NAALADL2: variants seen among roughly 807,000 people sequenced by gnomAD.
The protein encoded by NAALADL2 is N-acetylated alpha-linked acidic dipeptidase like 2.
Under a neutral mutation model 87.2 loss-of-function variants are expected in NAALADL2, and 76 were observed. That is an observed-to-expected ratio of 0.87 (90% CI 0.72 to 1.05). The LOEUF is 1.05. Among genes scored for constraint, NAALADL2 ranks in the 50% least tolerant of loss-of-function variants. NAALADL2 has a pLI of 0.00. For missense variants in NAALADL2, 1,089 were observed against 945.8 expected (o/e 1.15, Z -1.99); for synonymous variants, 354 against 331.0 (o/e 1.07, Z -0.75).
chr3:175,421,325 C>G (rs1032668801), intron 5 of NAALADL2, among the ~76,000 whole-genome samples: 1 of 152,026 alleles, frequency 6.6e-6, no homozygotes. Context: ...TACCTAGGAA[C>G]TTAATCAAAA....
At chr3:175,661,053 G>T (rs1732176821) in intron 11 of NAALADL2, among the ~76,000 whole-genome samples, 2 of 152,046 alleles carry the variant, frequency 1.3e-5, no homozygotes, top group South Asian at 4.1e-4. Flanking sequence ...TCTATTTTTA[G>T]TTTTTTGAAG....
At chr3:174,531,870 A>G (rs998922901) in intron 1 of NAALADL2, among the ~76,000 whole-genome samples, 14 of 152,168 alleles carry the variant, frequency 9.2e-5, no homozygotes, top group African/African-American at 3.4e-4. Context: ...GACATCTCAT[A>G]TTTCTGTGAA....
chr3:174,713,680 A>T (rs373323724), intron 2 of NAALADL2, among the ~76,000 whole-genome samples: 15 of 151,244 alleles, frequency 9.9e-5, no homozygotes, highest in African/African-American at 3.2e-4. Context: ...GTTTGAGTTC[A>T]TTGTAGATTC....
chr3:174,855,053 G>T (rs1353773089), upstream of NAALADL2, among the ~76,000 whole-genome samples: 1 of 151,878 alleles, frequency 6.6e-6, no homozygotes, highest in East Asian at 1.9e-4. Context: ...TGGCCATGCT[G>T]GTCTCGAACT....
At chr3:174,814,939 A>G in intron 3 of NAALADL2, among the ~76,000 whole-genome samples, 1 of 152,196 alleles carries the variant, frequency 6.6e-6, no homozygotes, top group East Asian at 1.9e-4. Flanking sequence ...TCGCATTTCA[A>G]TACTTACCCG....
intron 2 of NAALADL2, among the ~76,000 whole-genome samples, chr3:174,678,511 T>G (rs1199365060): frequency 2.0e-5 from 3 of 152,190 alleles, no homozygotes; most frequent in Non-Finnish European, 4.4e-5. Context: ...TATGATTGTT[T>G]CATGTTATTA....
chr3:175,719,841 G>T (rs1195638471), intron 11 of NAALADL2, among the ~76,000 whole-genome samples: 1 of 152,198 alleles, frequency 6.6e-6, no homozygotes, highest in Non-Finnish European at 1.5e-5. Flanking sequence ...GCACTGGCAG[G>T]TTCTGTGTCT....
At chr3:175,746,894 T>C (rs1248718098) in intron 12 of NAALADL2, among the ~76,000 whole-genome samples, 6 of 152,182 alleles carry the variant, frequency 3.9e-5, no homozygotes, top group Non-Finnish European at 8.8e-5. Context: ...AATGCCAAAA[T>C]CCATGAATGT....
intron 1 of NAALADL2, among the ~76,000 whole-genome samples, chr3:175,053,409 T>C (rs1755673715): frequency 1.3e-5 from 2 of 152,150 alleles, no homozygotes; most frequent in African/African-American, 4.8e-5. Context: ...CCCCAGGTGG[T>C]TGGCTGTGTT....
At chr3:175,324,038 A>AC in intron 4 of NAALADL2, 137 bp from the exon 5 acceptor site, 2 of 612,120 alleles carry the variant, frequency 3.3e-6, no homozygotes, top group Admixed American at 3.2e-5. Flanking sequence ...CAAAAAAAAA[A>AC]AAAAAGAAAA....
chr3:174,967,914 A>T, intron 1 of NAALADL2, among the ~76,000 whole-genome samples: 1 of 150,158 alleles, frequency 6.7e-6, no homozygotes, highest in East Asian at 1.9e-4. Flanking sequence ...ATACTGACAT[A>T]AGAAACAATT....
intron 2 of NAALADL2, among the ~76,000 whole-genome samples, chr3:174,609,390 A>G (rs74740209): frequency 0.53 from 79,560 of 150,802 alleles, 21,690 homozygotes; most frequent in Middle Eastern, 0.6. Flanking sequence ...GTTTGCAGAC[A>G]ACATGATTGT....
intron 2 of NAALADL2, among the ~76,000 whole-genome samples, chr3:175,152,936 C>G (rs1205673796): frequency 6.6e-6 from 1 of 151,752 alleles, no homozygotes; most frequent in African/African-American, 2.4e-5. Flanking sequence ...TCTAATGTAT[C>G]TAAATATGTT....
chr3:175,514,421 AT>A (rs1731572043), intron 9 of NAALADL2, among the ~76,000 whole-genome samples: 1 of 152,160 alleles, frequency 6.6e-6, no homozygotes, highest in Admixed American at 6.5e-5. Flanking sequence ...CACATTTTTC[AT>A]TGTTTTTATC....
At position 175,403,322 on chromosome 3, in the gene NAALADL2, T is replaced by C. The variant is rs562553525; in HGVS notation, c.1091-43907T>C. ...GCAGTAGAGGTATACAGAAGTGAATTGTCCCTTGGAAGTAGATTAACCATT... is the reference window on the plus strand; with the variant it reads ...GCAGTAGAGGTATACAGAAGTGAATCGTCCCTTGGAAGTAGATTAACCATT... On this transcript the variant is annotated intron_variant, in intron 5 of 13. Coordinates refer to ENST00000454872, the MANE Select transcript of NAALADL2 (RefSeq NM_207015.3). Among the ~76,000 whole-genome samples, 70 of 152,172 alleles carry C rather than the reference T, an allele frequency of 4.6e-4. 3 individuals carry two copies. The South Asian group carries it at 0.014, about 31-fold the overall frequency.
chr3:174,925,400 T>G (rs1735862260), intron 1 of NAALADL2, among the ~76,000 whole-genome samples: 1 of 152,228 alleles, frequency 6.6e-6, no homozygotes, highest in African/African-American at 2.4e-5. Flanking sequence ...GTATTATTTC[T>G]GAGGGCTCTG....
chr3:175,367,322 A>C (rs927545582), intron 5 of NAALADL2, among the ~76,000 whole-genome samples: 11 of 151,284 alleles, frequency 7.3e-5, no homozygotes, highest in East Asian at 2.0e-4. Context: ...CTTTTGGCTT[A>C]GGATTGACTT....
intron 9 of NAALADL2, among the ~76,000 whole-genome samples, chr3:175,506,935 C>T (rs1185029608): frequency 6.6e-6 from 1 of 152,094 alleles, no homozygotes; most frequent in Non-Finnish European, 1.5e-5. Flanking sequence ...AAATGACATG[C>T]ACGGGACATG....
chr3:175,569,851 CACACAG>C (rs1289484480), intron 9 of NAALADL2, among the ~76,000 whole-genome samples: 3 of 148,964 alleles, frequency 2.0e-5, no homozygotes, highest in South Asian at 2.1e-4. Flanking sequence ...CACACACACA[CACACAG>C]ACACTTTATA....
Sources: gnomAD v4.1 joint callset for allele counts (sites outside exome capture counted in the v4.1 genomes callset) on GRCh38, gnomAD v4.1.1 for gene constraint, MANE v1.5 for transcripts, NCBI Gene and HGNC (gene_info 2026-07-23, HGNC 2026-07-21) for gene names.